The following NIBAN1 variants were observed in gnomAD, a reference collection of about 807,000 sequenced individuals.
The protein encoded by NIBAN1 is protein Niban 1.
NIBAN1 carries 81 observed loss-of-function variants against 75.1 expected under a neutral mutation model. The ratio of observed to expected loss-of-function variants is 1.08; its 90% CI spans 0.90 to 1.30. The LOEUF (loss-of-function observed/expected upper bound fraction) is 1.30. NIBAN1 is among the 50% of genes most tolerant of loss of function. NIBAN1 has a pLI of 0.00. For missense variants in NIBAN1, 1,133 were observed against 1,128.1 expected, an observed-to-expected ratio of 1.00 and a Z score of -0.06; for synonymous variants, 436 against 424.8, an observed-to-expected ratio of 1.03 and a Z score of -0.32.
At chr1:184,966,040 T>C (rs1023765110) in intron 1 of NIBAN1, among the ~76,000 whole-genome samples, 1 of 152,214 alleles carries the variant, frequency 6.6e-6, no homozygotes, top group African/African-American at 2.4e-5. Context: ...AAGACTATAA[T>C]GTTTACAAAT....
intron 4 of NIBAN1, among the ~76,000 whole-genome samples, chr1:184,889,049 C>T (rs74132068): frequency 2.2e-3 from 342 of 152,206 alleles, no homozygotes; most frequent in African/African-American, 7.8e-3. Flanking sequence ...TTATTATGTC[C>T]GTTAATAAGA....
At chr1:184,873,273 G>A (rs1656155876) in intron 5 of NIBAN1, among the ~76,000 whole-genome samples, 1 of 152,188 alleles carries the variant, frequency 6.6e-6, no homozygotes, top group Non-Finnish European at 1.5e-5. Context: ...AAAGGAAAAT[G>A]TTTCCAGATG....
At chr1:184,932,993 C>T (rs1657865288) in intron 1 of NIBAN1, among the ~76,000 whole-genome samples, 1 of 152,146 alleles carries the variant, frequency 6.6e-6, no homozygotes, top group Non-Finnish European at 1.5e-5. Context: ...ACAAAAATCT[C>T]CTCCTCCTAA....
At position 184,795,204 on chromosome 1, in the gene NIBAN1, T is replaced by C; in HGVS notation, c.2560A>G (p.Ser854Gly). ...CTLGSDPICL[S>G]ESQVSEEQEE... ...TGTTCCTCAGAAACCTGGCTCTCAC[T>C]GAGGCAGATGGGGTCAGAACCTAAG... Residue 854 changes from serine to glycine, a missense_variant, in exon 14 of 14, where the codon AGT becomes GGT. Coordinates refer to ENST00000367511, the MANE Select transcript of NIBAN1 (RefSeq NM_052966.4). 6.2e-7 allele frequency: 1 copy of C among 1,614,122 alleles called. No homozygotes were observed. The highest frequency in any genetic ancestry group is 8.5e-7 in the Non-Finnish European group (1 of 1,180,042).
At chr1:184,870,914 T>C (rs535569065) in intron 5 of NIBAN1, among the ~76,000 whole-genome samples, 2 of 152,170 alleles carry the variant, frequency 1.3e-5, no homozygotes, top group African/African-American at 4.8e-5. Context: ...AATTCATACG[T>C]TGAAATCTTG....
intron 1 of NIBAN1, among the ~76,000 whole-genome samples, chr1:184,968,209 C>CAAAAAAAAAAAAAAAAA (rs1176738165): frequency 2.3e-4 from 2 of 8,808 alleles, no homozygotes; most frequent in African/African-American, 7.7e-4. Context: ...GACTCCGTCT[C>CAAAAAAAAAAAAAAAAA]AAAAAAAAAA....
intron 1 of NIBAN1, among the ~76,000 whole-genome samples, chr1:184,917,056 C>T (rs1229208839): frequency 6.6e-6 from 1 of 152,198 alleles, no homozygotes; most frequent in Non-Finnish European, 1.5e-5. Flanking sequence ...CCCATTTTCC[C>T]GGCTGCTTAT....
At chr1:184,918,049 T>G (rs1311137890) in intron 1 of NIBAN1, among the ~76,000 whole-genome samples, 1 of 152,150 alleles carries the variant, frequency 6.6e-6, no homozygotes, top group African/African-American at 2.4e-5. Context: ...TGCCGCATAT[T>G]TCCAAATGTC....
chr1:184,877,784 A>C lies in NIBAN1; in HGVS notation c.601+6849T>G, dbSNP rs184827691. On this transcript the variant is annotated intron_variant, in intron 5 of 13. Coordinates refer to ENST00000367511, the MANE Select transcript of NIBAN1 (RefSeq NM_052966.4). Reference sequence around the variant, plus strand: ...TCAATTGTAATATATCCTGTCTATAAGTAAAAGAAGAAAAACAAACCCAAA... The same window carrying C: ...TCAATTGTAATATATCCTGTCTATACGTAAAAGAAGAAAAACAAACCCAAA... 2.0e-5 allele frequency among the ~76,000 whole-genome samples: 3 copies of C among 152,354 alleles called. No homozygotes were observed. The East Asian group carries it at 5.8e-4, about 29-fold the overall frequency.
chr1:184,924,104 G>C (rs113167105), intron 1 of NIBAN1, among the ~76,000 whole-genome samples: 5 of 152,040 alleles, frequency 3.3e-5, no homozygotes, highest in Non-Finnish European at 7.4e-5. Flanking sequence ...GGGATGTCCA[G>C]TACTATGTTG....
At chr1:184,841,702 C>A (rs1014828550) in intron 5 of NIBAN1, among the ~76,000 whole-genome samples, 2 of 152,112 alleles carry the variant, frequency 1.3e-5, no homozygotes, top group African/African-American at 4.8e-5. Flanking sequence ...ATATAAGGAG[C>A]AAATTTCTAA....
chr1:184,861,869 T>C (rs948786068), intron 5 of NIBAN1, among the ~76,000 whole-genome samples: 2 of 152,160 alleles, frequency 1.3e-5, no homozygotes, highest in African/African-American at 4.8e-5. Flanking sequence ...TTAATCTTGC[T>C]CTGTGTTCTG....
chr1:184,889,190 C>G (rs1656605622), intron 4 of NIBAN1, among the ~76,000 whole-genome samples: 1 of 152,172 alleles, frequency 6.6e-6, no homozygotes, highest in African/African-American at 2.4e-5. Context: ...TATTATCCAT[C>G]ATTTCTCCAC....
At chr1:184,861,596 GGGAA>G (rs1044602218) in intron 5 of NIBAN1, among the ~76,000 whole-genome samples, 3 of 141,898 alleles carry the variant, frequency 2.1e-5, no homozygotes, top group Non-Finnish European at 3.0e-5. Context: ...GAAGGAAGGA[GGGAA>G]GGAAGGAAGG....
chr1:184,937,978 T>C (rs902540796), intron 1 of NIBAN1, among the ~76,000 whole-genome samples: 1 of 152,036 alleles, frequency 6.6e-6, no homozygotes, highest in Non-Finnish European at 1.5e-5. Flanking sequence ...GGCAGGCAGG[T>C]AGAGGTTTAT....
Position 184,791,780 on chromosome 1 carries a change from G to GC in NIBAN1, c.*3196dup. The GC allele has an allele frequency of 6.6e-6, 1 of 152,004 alleles. No individual in the cohort carries two copies. The highest frequency in any genetic ancestry group is 1.9e-4 in the East Asian group (1 of 5,184). The allele number at this position is 152,004 out of a possible 1,614,324, so 9.4% of individuals were successfully genotyped here. On this transcript the variant is annotated 3_prime_UTR_variant, in exon 14 of 14. Transcript: ENST00000367511. ...TGTTCATTTAGATCAGAATAACCTC[G>GC]CTCCAATCTGGAAACCACTCAAATG...
intron 5 of NIBAN1, among the ~76,000 whole-genome samples, chr1:184,863,832 A>G (rs1021487010): frequency 9.9e-5 from 15 of 152,194 alleles, no homozygotes; most frequent in African/African-American, 3.6e-4. Context: ...TGTGACCTTA[A>G]ATAGCTTTGT....
At chr1:184,828,246 G>A (rs1026642647) in intron 6 of NIBAN1, among the ~76,000 whole-genome samples, 13 of 152,122 alleles carry the variant, frequency 8.5e-5, no homozygotes, top group Non-Finnish European at 1.5e-4. Context: ...AATAACCATC[G>A]CTATGAGGGC....
chr1:184,934,242 C>G (rs113146794), intron 1 of NIBAN1, among the ~76,000 whole-genome samples: 115 of 152,254 alleles, frequency 7.6e-4, no homozygotes, highest in African/African-American at 2.7e-3. Context: ...ACCACATATT[C>G]TTACTTATAA....
Sources: gnomAD v4.1 joint callset for allele counts (sites outside exome capture counted in the v4.1 genomes callset) on GRCh38, gnomAD v4.1.1 for gene constraint, MANE v1.5 for transcripts, NCBI Gene and HGNC (gene_info 2026-07-23, HGNC 2026-07-21) for gene names.